PDE10A: variants seen among roughly 807,000 people sequenced by gnomAD.
PDE10A encodes the protein phosphodiesterase 10A.
In PDE10A, 39 loss-of-function variants were observed where a neutral mutation model predicts 97.7. The observed-to-expected ratio is 0.40, with a 90% CI of 0.31 to 0.52. The LOEUF (loss-of-function observed/expected upper bound fraction) is 0.52. PDE10A is among the 20% of genes least tolerant of loss of function. The pLI is 0.56. For synonymous variants in PDE10A, 371 were observed against 376.8 expected (o/e 0.98, Z 0.18); for missense variants, 731 against 1,047.8 (o/e 0.70, Z 4.17).
intron 1 of PDE10A, among the ~76,000 whole-genome samples, chr6:165,747,369 G>T (rs1792866913): frequency 6.6e-6 from 1 of 152,146 alleles, no homozygotes; most frequent in South Asian, 2.1e-4. Context: ...GTAAACACTG[G>T]TATGGGGCAC....
intron 1 of PDE10A, among the ~76,000 whole-genome samples, chr6:165,946,237 C>A (rs1783761616): frequency 6.6e-6 from 1 of 152,178 alleles, no homozygotes; most frequent in Admixed American, 6.5e-5. Context: ...TGGCTCATGC[C>A]TGTAATCCCA....
At chr6:165,333,403 T>C (rs9457073) in intron 21 of PDE10A, among the ~76,000 whole-genome samples, 20,374 of 152,110 alleles carry the variant, frequency 0.13, 1,905 homozygotes, top group African/African-American at 0.26. Context: ...CGTCCTTTCT[T>C]AGAAAGAAGG....
At chr6:165,398,593 C>T (rs918617168) in intron 13 of PDE10A, among the ~76,000 whole-genome samples, 1 of 151,842 alleles carries the variant, frequency 6.6e-6, no homozygotes, top group Non-Finnish European at 1.5e-5. Context: ...AATTCAAATG[C>T]ATTTCCTTTG....
At chr6:165,384,109 G>T (rs1785099445) in intron 17 of PDE10A, among the ~76,000 whole-genome samples, 1 of 152,118 alleles carries the variant, frequency 6.6e-6, no homozygotes, top group Non-Finnish European at 1.5e-5. Flanking sequence ...CTTTTAAACA[G>T]GAGAAAAACA....
chr6:165,525,123 G>C (rs947281145), intron 2 of PDE10A, among the ~76,000 whole-genome samples: 9 of 152,162 alleles, frequency 5.9e-5, no homozygotes, highest in South Asian at 2.1e-4. Flanking sequence ...ATAGTCTGAA[G>C]TCCCGGCGAG....
At chr6:165,368,940 G>A (rs1259416145) in intron 18 of PDE10A, among the ~76,000 whole-genome samples, 1 of 152,170 alleles carries the variant, frequency 6.6e-6, no homozygotes, top group African/African-American at 2.4e-5. Context: ...CTGTTCTGCA[G>A]ACACCGCTGC....
At chr6:165,722,673 G>A (rs773660772) in intron 1 of PDE10A, among the ~76,000 whole-genome samples, 6 of 152,150 alleles carry the variant, frequency 3.9e-5, no homozygotes, top group Admixed American at 6.5e-5. Flanking sequence ...ACCATGGAAA[G>A]TGAAACCTTG....
At chr6:165,545,028 A>C (rs550551673) in intron 1 of PDE10A, among the ~76,000 whole-genome samples, 68 of 152,188 alleles carry the variant, frequency 4.5e-4, no homozygotes, top group African/African-American at 1.6e-3. Context: ...CTAAAAACAA[A>C]AGGTGCAGGA....
rs1005429052 is a variant in PDE10A, at chr6:165,418,580, C to T, written c.1796+55G>A. 4 of 1,544,904 alleles carry T rather than the reference C, an allele frequency of 2.6e-6. No homozygotes were observed. The highest frequency in any genetic ancestry group is 1.8e-6 in the Non-Finnish European group (2 of 1,132,540). The stretch of plus-strand genomic sequence containing the variant: ...TGAATAGGCACAGAAAAATGGGTAA[C>T]GGAACGCCTGCACATCTACCGTAAG... On this transcript the variant is annotated intron_variant, in intron 11 of 21. Coordinates refer to ENST00000539869, the MANE Select transcript of PDE10A (RefSeq NM_001385079.1). The surrounding 1 kb of genome is among the most constrained non-coding windows in gnomAD (Gnocchi z 4.8).
chr6:165,546,773 A>G (rs941932743), intron 1 of PDE10A, among the ~76,000 whole-genome samples: 4 of 152,138 alleles, frequency 2.6e-5, no homozygotes, highest in Non-Finnish European at 5.9e-5. Flanking sequence ...AGAATGATCC[A>G]TGTGGTAATG....
At chr6:165,622,105 G>A (rs555390688) in intron 1 of PDE10A, among the ~76,000 whole-genome samples, 22 of 152,290 alleles carry the variant, frequency 1.4e-4, no homozygotes, top group East Asian at 7.7e-4. Context: ...ACTGAAACAC[G>A]GAAACACTGG....
intron 1 of PDE10A, chr6:165,908,860 C>G (rs1378512260): frequency 6.6e-6 from 1 of 152,376 alleles, no homozygotes; most frequent in East Asian, 1.9e-4. Flanking sequence ...CCTTGAATTT[C>G]TCATCTGCCG....
intron 1 of PDE10A, among the ~76,000 whole-genome samples, chr6:165,568,353 C>T (rs1169266294): frequency 6.6e-6 from 1 of 152,108 alleles, no homozygotes; most frequent in Non-Finnish European, 1.5e-5. Context: ...TCCACGGTTT[C>T]ACTTTCTGCA....
At chr6:165,358,343 G>A (rs1006826209) in intron 18 of PDE10A, among the ~76,000 whole-genome samples, 3 of 151,790 alleles carry the variant, frequency 2.0e-5, no homozygotes, top group Non-Finnish European at 4.4e-5. Flanking sequence ...TTAGTTCTGT[G>A]TTTTTTTGTT....
At chr6:165,826,980 G>A (rs771256369) in intron 1 of PDE10A, among the ~76,000 whole-genome samples, 1 of 152,082 alleles carries the variant, frequency 6.6e-6, no homozygotes, top group African/African-American at 2.4e-5. Context: ...CATCAGGAGG[G>A]GCACGGAGGG....
At chr6:165,497,192 CTTG>C (rs1458363882) in intron 2 of PDE10A, among the ~76,000 whole-genome samples, 7 of 152,250 alleles carry the variant, frequency 4.6e-5, no homozygotes, top group Admixed American at 6.5e-5. Flanking sequence ...TTTTTAATAA[CTTG>C]TTGTAATCAC....
At chr6:165,720,872 G>A (rs1414629594) in intron 1 of PDE10A, among the ~76,000 whole-genome samples, 1 of 152,212 alleles carries the variant, frequency 6.6e-6, no homozygotes, top group African/African-American at 2.4e-5. Context: ...CATATATGGA[G>A]TTTTGTTCTC....
intron 1 of PDE10A, among the ~76,000 whole-genome samples, chr6:165,640,068 A>G (rs1168591388): frequency 1.3e-4 from 15 of 119,126 alleles, no homozygotes; most frequent in Admixed American, 4.6e-4. Context: ...AGATTCTGTC[A>G]CCAGAAAAAA....
At chr6:165,854,871 C>G (rs983267968) in intron 1 of PDE10A, among the ~76,000 whole-genome samples, 2 of 152,160 alleles carry the variant, frequency 1.3e-5, no homozygotes, top group Admixed American at 1.3e-4. Context: ...GGCACAAAAT[C>G]GCAGAAACAC....
Sources: allele counts gnomAD v4.1 joint callset (sites outside exome capture counted in the v4.1 genomes callset), GRCh38; gene constraint gnomAD v4.1.1; non-coding constraint Gnocchi (gnomAD v3.1); transcripts MANE v1.5; gene names NCBI Gene and HGNC (gene_info 2026-07-23, HGNC 2026-07-21).